The following RBFOX1 variants were observed in gnomAD, a reference collection of about 807,000 sequenced individuals.
RBFOX1 encodes the protein RNA binding protein fox-1 homolog 1.
Under a neutral mutation model 57.7 loss-of-function variants are expected in RBFOX1, and 8 were observed. The observed-to-expected ratio is 0.14, with a 90% CI of 0.08 to 0.25. The LOEUF (loss-of-function observed/expected upper bound fraction) is 0.25. RBFOX1 is among the 10% of genes least tolerant of loss of function. The probability of loss-of-function intolerance (pLI) is 1.00; values close to 1 mark genes in which losing one functional copy is unlikely to be tolerated. For synonymous variants in RBFOX1, 326 were observed against 222.4 expected (o/e 1.47, Z -4.15); for missense variants, 611 against 548.5 (o/e 1.11, Z -1.14).
chr16:5,506,653 G>T (rs1413408226), intron 2 of RBFOX1, among the ~76,000 whole-genome samples: 1 of 152,128 alleles, frequency 6.6e-6, no homozygotes, highest in Non-Finnish European at 1.5e-5. Flanking sequence ...TCACAGAGAA[G>T]GTGGGCTATA....
In RBFOX1 at chr16:5,868,738, G is replaced by C. The variant is rs560268574; in HGVS notation, c.351+1403G>C. Among the ~76,000 whole-genome samples the C allele has an allele frequency of 2.6e-5, 4 of 152,290 alleles. No individual in the cohort carries two copies. The South Asian group carries it at 8.3e-4, about 32-fold the overall frequency. Reference sequence around the variant, plus strand: ...CCCCCACTGTCACCTATGTCCCCATGATCTTGTGACCAGTCACTCGAGTGA... The same window carrying C: ...CCCCCACTGTCACCTATGTCCCCATCATCTTGTGACCAGTCACTCGAGTGA... On this transcript the variant is annotated intron_variant, in intron 4 of 19. Coordinates refer to the RBFOX1 transcript ENST00000641259.
chr16:5,983,453 G>A, intron 4 of RBFOX1, among the ~76,000 whole-genome samples: 1 of 152,176 alleles, frequency 6.6e-6, no homozygotes. Context: ...AAGGGCTGGG[G>A]CCCTGGCACT....
chr16:5,794,806 C>G (rs1474779230), intron 3 of RBFOX1, among the ~76,000 whole-genome samples: 2 of 152,158 alleles, frequency 1.3e-5, no homozygotes, highest in African/African-American at 4.8e-5. Context: ...AATATTAAAT[C>G]TAGGCAGAGG....
At chr16:6,677,439 T>C (rs754544493) in intron 3 of RBFOX1, among the ~76,000 whole-genome samples, 2 of 152,186 alleles carry the variant, frequency 1.3e-5, no homozygotes, top group African/African-American at 2.4e-5. Flanking sequence ...CATGGACTTA[T>C]TGCCCCTAAA....
intron 2 of RBFOX1, among the ~76,000 whole-genome samples, chr16:6,645,770 T>A (rs999460234): frequency 6.6e-6 from 1 of 152,158 alleles, no homozygotes; most frequent in Admixed American, 6.5e-5. Context: ...TACTGATAAC[T>A]TGCCATATGC....
intron 2 of RBFOX1, among the ~76,000 whole-genome samples, chr16:6,649,260 A>T (rs11643447): frequency 0.048 from 7,362 of 152,282 alleles, 212 homozygotes; most frequent in Non-Finnish European, 0.053. Context: ...ATGTCATCAC[A>T]GTGACAGGCT....
At chr16:7,045,100 C>G (rs1022051747) in intron 3 of RBFOX1, among the ~76,000 whole-genome samples, 4 of 152,126 alleles carry the variant, frequency 2.6e-5, no homozygotes, top group African/African-American at 7.2e-5. Context: ...TCGATGATCC[C>G]TACTTAAAGG....
intron 3 of RBFOX1, among the ~76,000 whole-genome samples, chr16:5,768,958 G>A (rs2053884453): frequency 6.6e-6 from 1 of 152,024 alleles, no homozygotes; most frequent in Non-Finnish European, 1.5e-5. Context: ...GGAAATCCAG[G>A]CAGTGGGATA....
intron 3 of RBFOX1, among the ~76,000 whole-genome samples, chr16:5,712,748 C>T (rs1161075392): frequency 1.3e-5 from 2 of 152,182 alleles, no homozygotes; most frequent in African/African-American, 4.8e-5. Context: ...GCAAGGAAGC[C>T]AGTGGTTAGA....
At chr16:6,974,657 T>G (rs933854517) in intron 3 of RBFOX1, among the ~76,000 whole-genome samples, 1 of 152,122 alleles carries the variant, frequency 6.6e-6, no homozygotes, top group Middle Eastern at 3.4e-3. Context: ...TAAATCATAT[T>G]CTTTATTTGC....
intron 1 of RBFOX1, among the ~76,000 whole-genome samples, chr16:6,269,501 C>G (rs971393771): frequency 1.3e-5 from 2 of 152,152 alleles, no homozygotes; most frequent in Admixed American, 6.5e-5. Flanking sequence ...GAGTAAAATG[C>G]ACGCCATCCT....
intron 1 of RBFOX1, among the ~76,000 whole-genome samples, chr16:5,308,652 C>A (rs2064001369): frequency 6.6e-6 from 1 of 151,926 alleles, no homozygotes; most frequent in South Asian, 2.1e-4. Context: ...AAATATTATT[C>A]TTTTCAGGGC....
chr16:6,266,815 G>T (rs1598983986), intron 1 of RBFOX1, among the ~76,000 whole-genome samples: 1 of 151,892 alleles, frequency 6.6e-6, no homozygotes, highest in African/African-American at 2.4e-5. Flanking sequence ...CTTTTATCAT[G>T]TGTTCCCATG....
intron 2 of RBFOX1, among the ~76,000 whole-genome samples, chr16:6,526,339 C>T (rs1047716860): frequency 1.3e-5 from 2 of 152,106 alleles, no homozygotes; most frequent in African/African-American, 4.8e-5. Flanking sequence ...GTGTTAATAC[C>T]AAGCACATCC....
chr16:5,955,289 A>T (rs111428597), intron 4 of RBFOX1, among the ~76,000 whole-genome samples: 1,400 of 16,828 alleles, frequency 0.083, 100 homozygotes, highest in African/African-American at 0.31. Flanking sequence ...CTCCCAATAA[A>T]ATAAAATAAA....
intron 4 of RBFOX1, among the ~76,000 whole-genome samples, chr16:7,195,502 A>C (rs1349002178): frequency 2.6e-5 from 4 of 152,134 alleles, no homozygotes; most frequent in African/African-American, 4.8e-5. Context: ...GATTTGAAAG[A>C]CTGTTTGAGG....
At chr16:6,050,732 A>G (rs188978154) in intron 1 of RBFOX1, among the ~76,000 whole-genome samples, 2 of 152,120 alleles carry the variant, frequency 1.3e-5, no homozygotes, top group African/African-American at 2.4e-5. Context: ...TACTATTAGG[A>G]TAGTCAGGGG....
intron 1 of RBFOX1, among the ~76,000 whole-genome samples, chr16:6,262,939 C>T (rs1395004878): frequency 1.3e-5 from 2 of 152,060 alleles, no homozygotes; most frequent in Admixed American, 1.3e-4. Context: ...GCACTGAGGC[C>T]GGGAGAGGGC....
At chr16:7,707,369 A>C (rs780326823) in intron 14 of RBFOX1, among the ~76,000 whole-genome samples, 2 of 152,138 alleles carry the variant, frequency 1.3e-5, no homozygotes, top group Admixed American at 1.3e-4. Flanking sequence ...TCTACCAACC[A>C]TGAGAAAGCT....
Sources: allele counts gnomAD v4.1 joint callset (sites outside exome capture counted in the v4.1 genomes callset), GRCh38; gene constraint gnomAD v4.1.1; transcripts MANE v1.5; gene names NCBI Gene and HGNC (gene_info 2026-07-23, HGNC 2026-07-21).